The following GTF3C6 variants were observed in gnomAD, a reference collection of about 807,000 sequenced individuals.
The protein encoded by GTF3C6 is general transcription factor 3C polypeptide 6.
In GTF3C6, 11 loss-of-function variants were observed where a neutral mutation model predicts 19.2. That is an observed-to-expected ratio of 0.57 (90% CI 0.36 to 0.95). The LOEUF (loss-of-function observed/expected upper bound fraction) is 0.95, where lower values mean the gene tolerates loss of function less well. GTF3C6 is among the 40% of genes least tolerant of loss of function. GTF3C6 has a pLI of 0.01. For missense variants in GTF3C6, 222 were observed against 254.7 expected (o/e 0.87, Z 0.87); for synonymous variants, 87 against 84.2 (o/e 1.03, Z -0.18).
At chr6:110,960,751 T>TA (rs34157069) in intron 4 of GTF3C6, 135 bp downstream of exon 4, 136,243 of 616,442 alleles carry the variant, frequency 0.22, 6,515 homozygotes, top group East Asian at 0.49. Context: ...AGATTATAGT[T>TA]AAAAAAAAAA....
chr6:110,962,837 G>A (rs1771178758), intron 5 of GTF3C6, among the ~76,000 whole-genome samples: 1 of 152,036 alleles, frequency 6.6e-6, no homozygotes, highest in Non-Finnish European at 1.5e-5. Context: ...GGAGTGCAGT[G>A]TCGCGATCTC....
At chr6:110,966,601 C>T (rs921434371) in intron 5 of GTF3C6, among the ~76,000 whole-genome samples, 2 of 152,128 alleles carry the variant, frequency 1.3e-5, no homozygotes, top group Non-Finnish European at 2.9e-5. Flanking sequence ...AGTCTGGCTA[C>T]CAAACACGGC....
chr6:110,958,803 G>A lies in GTF3C6; in HGVS notation c.34G>A (p.Asp12Asn), dbSNP rs573317363. The A allele has an allele frequency of 5.2e-6, 8 of 1,551,212 alleles. No individual in the cohort carries two copies. The South Asian group carries it at 5.9e-5, about 12-fold the overall frequency. The change falls in exon 1 of 6, where the codon GAC (aspartate) becomes AAC (asparagine). Residue 12 changes from aspartate (D) to asparagine (N), a missense_variant. Asp to Asn is a conservative substitution (Grantham distance 23, BLOSUM62 1). Coordinates refer to ENST00000329970, the MANE Select transcript of GTF3C6 (RefSeq NM_138408.4). ...GGCGGCGGACGAGCGGAGTCCAGAGGACGGAGAAGACGAGGAAGAGGAGGT... is the reference window on the plus strand; with the variant it reads ...GGCGGCGGACGAGCGGAGTCCAGAGAACGGAGAAGACGAGGAAGAGGAGGT... Reference protein sequence around the residue: ...AAAADERSPEDGEDEEEEEQL... With the variant: ...AAAADERSPENGEDEEEEEQL...
intron 2 of GTF3C6, among the ~76,000 whole-genome samples, 157 bp downstream of exon 2, chr6:110,959,409 A>G (rs1446890208): frequency 6.6e-6 from 1 of 152,194 alleles, no homozygotes; most frequent in Admixed American, 6.6e-5. Flanking sequence ...TAATTAATTA[A>G]TATGTAATTA....
chr6:110,965,688 G>C lies in GTF3C6; in HGVS notation c.362-1822G>C, dbSNP rs531115145. Among the ~76,000 whole-genome samples, 222 of 152,252 alleles carry C rather than the reference G, an allele frequency of 1.5e-3. 1 individual carries two copies. In the Middle Eastern group the frequency reaches 0.027, roughly 19 times the overall value. ...CATTGGGATATTCTTATTAGAGTGA[G>C]TTTCCTCTTCCTAGTCTTTAATAAT... On this transcript the variant is annotated intron_variant, in intron 5 of 5. Transcript: ENST00000329970.
Position 110,958,729 on chromosome 6 carries a change from C to G in GTF3C6, c.-41C>G, listed in dbSNP as rs1054585735. Reference sequence around the variant, plus strand: ...CCGTACTCAAGATGGCGGCTCCGGGCGGGCGTGGCCAGTGACTAGAAGGCG... The same window carrying G: ...CCGTACTCAAGATGGCGGCTCCGGGGGGGCGTGGCCAGTGACTAGAAGGCG... On this transcript the variant is annotated 5_prime_UTR_variant, in exon 1 of 6. Coordinates refer to ENST00000329970, the MANE Select transcript of GTF3C6 (RefSeq NM_138408.4). 1.2e-5 allele frequency: 18 copies of G among 1,548,206 alleles called. No homozygotes were observed. In the African/African-American group the frequency reaches 2.1e-4, roughly 18 times the overall value.
rs529174811 is a variant in GTF3C6 at position 110,964,389 on chromosome 6, C to T, written c.361+1884C>T. 5.3e-5 allele frequency among the ~76,000 whole-genome samples: 8 copies of T among 150,726 alleles called. No homozygotes were observed. In the East Asian group the frequency reaches 1.6e-3, roughly 30 times the overall value. Reference sequence around the variant, plus strand: ...CCTCCTGAGTAGCTGAGACTACAGGCGCATGCCACCATGCCCAGCTAATTT... The same window carrying T: ...CCTCCTGAGTAGCTGAGACTACAGGTGCATGCCACCATGCCCAGCTAATTT... On this transcript the variant is annotated intron_variant, in intron 5 of 5. Transcript: ENST00000329970.
chr6:110,962,248 G>A lies in GTF3C6; in HGVS notation c.248-144G>A, dbSNP rs988793709. 43 of 585,966 alleles carry A rather than the reference G, an allele frequency of 7.3e-5. No homozygotes were observed. In the East Asian group the frequency reaches 1.1e-3, roughly 14 times the overall value. 36.3% of individuals were successfully genotyped at this position (585,966 alleles called of 1,614,324 possible). ...TCATTTTTCTATGCTTGGAGCAGGA[G>A]GGATGAGTTATACCTTGAATTTACT... On this transcript the variant is annotated intron_variant, in intron 4 of 5. Transcript: ENST00000329970.
At chr6:110,965,845 C>A (rs561071955) in intron 5 of GTF3C6, among the ~76,000 whole-genome samples, 2 of 152,274 alleles carry the variant, frequency 1.3e-5, no homozygotes, top group Admixed American at 6.5e-5. Flanking sequence ...AAAACAACAA[C>A]AAAAAACCAG....
At position 110,958,830 on chromosome 6, in the gene GTF3C6, G is replaced by A. The variant is rs1414065725; in HGVS notation, c.57+4G>A. 1 of 1,551,086 alleles carries A rather than the reference G, an allele frequency of 6.4e-7. No individual in the cohort carries two copies. The highest frequency in any genetic ancestry group is 8.7e-7 in the Non-Finnish European group (1 of 1,146,866). On this transcript the variant is annotated splice_donor_region_variant and intron_variant, in intron 1 of 5. Coordinates refer to ENST00000329970, the MANE Select transcript of GTF3C6 (RefSeq NM_138408.4). ...CGGAGAAGACGAGGAAGAGGAGGTA[G>A]TAAGCGCTACGCCAAAAGCCTGCAC...
intron 2 of GTF3C6, 35 bp downstream of exon 2, chr6:110,959,287 G>C (rs373074759): frequency 1.3e-5 from 16 of 1,267,012 alleles, no homozygotes; most frequent in Non-Finnish European, 1.7e-5. Flanking sequence ...TTGTTCTAGA[G>C]TGTCTTAAAT....
intron 5 of GTF3C6, among the ~76,000 whole-genome samples, chr6:110,964,499 C>T (rs1771203780): frequency 6.6e-6 from 1 of 152,082 alleles, no homozygotes; most frequent in Non-Finnish European, 1.5e-5. Context: ...CTCAGCCTCC[C>T]AAAGTGCTGG....
intron 5 of GTF3C6, among the ~76,000 whole-genome samples, chr6:110,964,827 T>G (rs1252372174): frequency 2.2e-5 from 3 of 134,118 alleles, no homozygotes; most frequent in Non-Finnish European, 4.6e-5. Context: ...AGAGACGGAG[T>G]TTTTTTTCTT....
At chr6:110,960,390 T>C in intron 2 of GTF3C6, 24 bp from the exon 3 acceptor site, 1 of 1,575,526 alleles carries the variant, frequency 6.3e-7, no homozygotes, top group Non-Finnish European at 8.6e-7. Context: ...TGTTTTTTTT[T>C]TATGATCCTT....
At chr6:110,962,311 T>C (rs1771170872) in intron 4 of GTF3C6, 81 bp from the exon 5 acceptor site, 1 of 730,204 alleles carries the variant, frequency 1.4e-6, no homozygotes, top group South Asian at 1.7e-5. Flanking sequence ...TCTGACTCCC[T>C]ACACTGGAAT....
intron 2 of GTF3C6, among the ~76,000 whole-genome samples, chr6:110,959,893 G>A (rs890936124): frequency 6.6e-6 from 1 of 152,092 alleles, no homozygotes; most frequent in Non-Finnish European, 1.5e-5. Flanking sequence ...GGAGGCAGAG[G>A]TTGCAGTGAG....
At chr6:110,965,375 A>G (rs1299536778) in intron 5 of GTF3C6, among the ~76,000 whole-genome samples, 1 of 152,192 alleles carries the variant, frequency 6.6e-6, no homozygotes, top group Admixed American at 6.6e-5. Context: ...TGAAAAAATA[A>G]TAATTTGATG....
chr6:110,967,707 G>C lies in GTF3C6; in HGVS notation c.559G>C (p.Glu187Gln). 6.2e-7 allele frequency: 1 copy of C among 1,614,030 alleles called. No homozygotes were observed. The highest frequency in any genetic ancestry group is 2.2e-5 in the East Asian group (1 of 44,858). Residue 187 changes from glutamate (E) to glutamine (Q), a missense_variant, in exon 6 of 6, where the codon GAA becomes CAA. Glu to Gln is a conservative substitution (Grantham distance 29, BLOSUM62 2). Coordinates refer to ENST00000329970, the MANE Select transcript of GTF3C6 (RefSeq NM_138408.4). ...TGAACAGGAGAAACCAATGCACTTG[G>C]AAATAGAAGATTCTGGTCCTCTTAT... Reference protein sequence around the residue: ...SCEQEKPMHLEIEDSGPLIDI... With the variant: ...SCEQEKPMHLQIEDSGPLIDI...
chr6:110,959,178 T>C lies in GTF3C6; in HGVS notation c.64T>C (p.Leu22=), dbSNP rs1250126882. 1 of 1,608,154 alleles carries C rather than the reference T, an allele frequency of 6.2e-7. No individual in the cohort carries two copies. The highest frequency in any genetic ancestry group is 1.3e-5 in the African/African-American group (1 of 74,888). The part of the protein sequence containing the change: ...DGEDEEEEEQ[L]VLVELSGIID... ...CCCCTCTTTCTTTCACCAGGAGCAG[T>C]TGGTTCTGGTGGAATTATCAGGAAT... Residue 22 remains leucine (L), a synonymous_variant, in exon 2 of 6, where the codon TTG becomes CTG. Transcript: ENST00000329970.
Sources: gnomAD v4.1 joint callset for allele counts (sites outside exome capture counted in the v4.1 genomes callset) on GRCh38, gnomAD v4.1.1 for gene constraint, MANE v1.5 for transcripts, NCBI Gene and HGNC (gene_info 2026-07-23, HGNC 2026-07-21) for gene names.